The following AKR1B15 variants were observed in gnomAD, a reference collection of about 807,000 sequenced individuals.
AKR1B15 encodes the protein estradiol 17-beta-dehydrogenase AKR1B15.
In AKR1B15, 49 loss-of-function variants were observed where a neutral mutation model predicts 38.5. That is an observed-to-expected ratio of 1.27 (90% CI 1.01 to 1.62). AKR1B15 has a LOEUF of 1.62. Among genes scored for constraint, AKR1B15 ranks in the 40% most tolerant of loss-of-function variants. The pLI is 0.00. For synonymous variants in AKR1B15, 137 were observed against 135.5 expected (o/e 1.01, Z -0.08); for missense variants, 411 against 381.6 (o/e 1.08, Z -0.64).
chr7:134,577,194 C>T, intron 10 of AKR1B15, 148 bp downstream of exon 10: 1 of 831,050 alleles, frequency 1.2e-6, no homozygotes, highest in Non-Finnish European at 1.9e-6. Flanking sequence ...GGGAGCTAGG[C>T]TCGGTAGAGC....
chr7:134,576,992 T>G lies in AKR1B15; in HGVS notation c.855T>G (p.Asn285Lys), dbSNP rs375543873. The change falls in exon 10 of 12, where the codon AAT becomes AAG. Residue 285 changes from asparagine (N) to lysine (K), a missense_variant. Transcript: ENST00000457545. ...TGATCCGTTTCCATATCCAGAGGAA[T>G]GTGACAGTGATCCCCAAGTCTATGA... ...QVLIRFHIQRNVTVIPKSMTP... is the reference protein window; with the variant it reads ...QVLIRFHIQRKVTVIPKSMTP... 19 of 1,614,006 alleles carry G rather than the reference T, an allele frequency of 1.2e-5. No homozygotes were observed. In the South Asian group the frequency reaches 2.1e-4, roughly 18 times the overall value.
At chr7:134,562,976 A>G (rs548386112) in intron 2 of AKR1B15, among the ~76,000 whole-genome samples, 2 of 138,550 alleles carry the variant, frequency 1.4e-5, no homozygotes, top group East Asian at 4.3e-4. Context: ...TGTTTTCTCT[A>G]TTCCTTACTC....
At chr7:134,562,832 C>CTTTCTTTCTTTCTTTTCTTTCTTTCTT (rs1554402357) in intron 2 of AKR1B15, among the ~76,000 whole-genome samples, 5 of 122,600 alleles carry the variant, frequency 4.1e-5, no homozygotes, top group African/African-American at 1.6e-4. Flanking sequence ...TCCTTCCTTT[C>CTTTCTTTCTTTCTTTTCTTTCTTTCTT]TCTTTCTTTC....
chr7:134,565,491 T>C (rs1309645541), intron 3 of AKR1B15: 1 of 1,613,514 alleles, frequency 6.2e-7, no homozygotes, highest in African/African-American at 1.3e-5. Flanking sequence ...ATGGCCACGT[T>C]TGTGGAGCTC....
intron 5 of AKR1B15, chr7:134,570,129 G>A (rs1244177694): frequency 1.3e-5 from 2 of 152,484 alleles, no homozygotes; most frequent in Non-Finnish European, 2.9e-5. Flanking sequence ...TGGCTGCTCT[G>A]GGGACGGCTG....
intron 6 of AKR1B15, among the ~76,000 whole-genome samples, chr7:134,573,185 C>T (rs1415196659): frequency 2.6e-5 from 4 of 152,126 alleles, no homozygotes; most frequent in Non-Finnish European, 5.9e-5. Flanking sequence ...TGCATGCCAC[C>T]ACACATGGAT....
intron 1 of AKR1B15, among the ~76,000 whole-genome samples, chr7:134,554,836 T>A (rs1562941038): frequency 6.6e-6 from 1 of 152,204 alleles, no homozygotes; most frequent in Non-Finnish European, 1.5e-5. Flanking sequence ...TAATAAGGTC[T>A]GATAATGGAC....
At position 134,576,420 on chromosome 7, in the gene AKR1B15, C is replaced by A. The variant is rs779831784; in HGVS notation, c.815C>A (p.Thr272Asn). The A allele has an allele frequency of 3.7e-5, 59 of 1,614,126 alleles. No individual in the cohort carries two copies. The highest frequency in any genetic ancestry group is 1.6e-4 in the African/African-American group (12 of 75,054). Residue 272 changes from threonine to asparagine, a missense_variant, in exon 9 of 12, where the codon ACC becomes AAC. By Grantham distance (65) the Thr-to-Asn change is moderately conservative (BLOSUM62 0). Around this residue, in one of 3 missense-constraint regions of AKR1B15, gnomAD observed 133 missense variants for 120.3 expected, o/e 1.11. Transcript: ENST00000457545. ...GAGATTGCTGCAAAGCACAAAAAAA[C>A]CACAGCCCAGGTACCATATTTTTAT... The part of the protein sequence containing the change: ...IKEIAAKHKK[T>N]TAQVLIRFHI...
At chr7:134,552,303 A>G (rs1048848701) in intron 1 of AKR1B15, among the ~76,000 whole-genome samples, 1 of 152,054 alleles carries the variant, frequency 6.6e-6, no homozygotes, top group African/African-American at 2.4e-5. Context: ...GGTCAGAGGA[A>G]TATCTCTTAG....
At chr7:134,567,000 T>C (rs1186200509) in intron 3 of AKR1B15, among the ~76,000 whole-genome samples, 2 of 152,232 alleles carry the variant, frequency 1.3e-5, no homozygotes, top group South Asian at 2.1e-4. Context: ...GTAAGAATTA[T>C]GAAGGGAGCT....
intron 1 of AKR1B15, among the ~76,000 whole-genome samples, chr7:134,555,621 G>A (rs1243462746): frequency 6.6e-6 from 1 of 151,938 alleles, no homozygotes; most frequent in African/African-American, 2.4e-5. Context: ...ACACCACTTG[G>A]AAGGTGGGAC....
chr7:134,565,456 A>T (rs1794511040), intron 3 of AKR1B15: 1 of 1,612,556 alleles, frequency 6.2e-7, no homozygotes, highest in Non-Finnish European at 8.5e-7. Context: ...CTACCTGCTC[A>T]CTCAGAATCA....
At chr7:134,576,939 A>G (rs188047056) in intron 9 of AKR1B15, 24 bp from the exon 10 acceptor site, 65 of 1,601,272 alleles carry the variant, frequency 4.1e-5, no homozygotes, top group Middle Eastern at 1.7e-4. Context: ...CTGAGTGGAA[A>G]CATGATGTCC....
At chr7:134,565,587 G>A (rs970238109) in intron 3 of AKR1B15, 5 of 1,611,322 alleles carry the variant, frequency 3.1e-6, no homozygotes, top group Non-Finnish European at 4.2e-6. Flanking sequence ...TCTCTGGAGG[G>A]CTGTTTGGGT....
chr7:134,554,809 A>G (rs1013158943), intron 1 of AKR1B15, among the ~76,000 whole-genome samples: 3 of 152,208 alleles, frequency 2.0e-5, no homozygotes, highest in Non-Finnish European at 2.9e-5. Context: ...TCATCCCTCA[A>G]CATGGACTGC....
chr7:134,566,110 A>G (rs1248145042), intron 3 of AKR1B15, among the ~76,000 whole-genome samples: 2 of 152,184 alleles, frequency 1.3e-5, no homozygotes, highest in East Asian at 3.8e-4. Context: ...ACTGGGCAAC[A>G]TAGCAAGACC....
chr7:134,579,733 A>G lies in AKR1B15; in HGVS notation c.*184A>G, dbSNP rs774532559. On this transcript the variant is annotated 3_prime_UTR_variant, in exon 12 of 12. Transcript: ENST00000457545. ...CTGTATGTTCAACTAGGATAAGAATATCACAGAAAAGCATGGCCTGAATAA... is the reference window on the plus strand; with the variant it reads ...CTGTATGTTCAACTAGGATAAGAATGTCACAGAAAAGCATGGCCTGAATAA... 9 of 525,252 alleles carry G rather than the reference A, an allele frequency of 1.7e-5. No homozygotes were observed. The highest frequency in any genetic ancestry group is 7.3e-5 in the South Asian group (2 of 27,360). The allele number at this position is 525,252 out of a possible 1,614,324, so 32.5% of individuals were successfully genotyped here.
At chr7:134,572,528 T>C (rs951136710) in intron 6 of AKR1B15, among the ~76,000 whole-genome samples, 1 of 151,790 alleles carries the variant, frequency 6.6e-6, no homozygotes, top group African/African-American at 2.4e-5. Flanking sequence ...CTTGGAAGGC[T>C]GAGGCAGGAG....
At chr7:134,555,349 C>T (rs951608922) in intron 1 of AKR1B15, among the ~76,000 whole-genome samples, 3 of 152,036 alleles carry the variant, frequency 2.0e-5, no homozygotes, top group Non-Finnish European at 4.4e-5. Flanking sequence ...ATACTGTCAT[C>T]CTCACCACAC....
Sources: gnomAD v4.1 joint callset for allele counts (sites outside exome capture counted in the v4.1 genomes callset) on GRCh38, gnomAD v4.1.1 for gene constraint, gnomAD v4.1.1 regional missense constraint, MANE v1.5 for transcripts, NCBI Gene and HGNC (gene_info 2026-07-23, HGNC 2026-07-21) for gene names.